ITPKB: variants seen among roughly 807,000 people sequenced by gnomAD.
ITPKB encodes IP3 3-kinase B.
In ITPKB, 13 loss-of-function variants were observed where a neutral mutation model predicts 69.4. The observed-to-expected ratio is 0.19, with a 90% confidence interval of 0.12 to 0.30. The LOEUF is 0.30. Ranked by LOEUF, ITPKB falls within the 10% of genes least tolerant of loss-of-function variation. ITPKB has a pLI of 1.00. For missense variants in ITPKB, 1,240 were observed against 1,250.5 expected (o/e 0.99, Z 0.13); for synonymous variants, 584 against 513.7 (o/e 1.14, Z -1.85).
chr1:226,725,831 C>G (rs1657395523), intron 2 of ITPKB, among the ~76,000 whole-genome samples: 1 of 152,194 alleles, frequency 6.6e-6, no homozygotes, highest in African/African-American at 2.4e-5. Context: ...GAAACCGGGG[C>G]GTTATCCAGA....
chr1:226,733,512 A>G (rs181230802), intron 2 of ITPKB, among the ~76,000 whole-genome samples: 2 of 152,240 alleles, frequency 1.3e-5, no homozygotes, highest in Non-Finnish European at 1.5e-5. Context: ...GCACTCAACC[A>G]AAGCTCAAAA....
chr1:226,694,910 T>C (rs1035073233), intron 2 of ITPKB, among the ~76,000 whole-genome samples: 1 of 152,204 alleles, frequency 6.6e-6, no homozygotes, highest in African/African-American at 2.4e-5. Flanking sequence ...TGAATTTAGG[T>C]CTCCTCATTC....
chr1:226,714,985 C>T (rs949681838), intron 2 of ITPKB, among the ~76,000 whole-genome samples: 2 of 152,226 alleles, frequency 1.3e-5, no homozygotes, highest in African/African-American at 4.8e-5. Flanking sequence ...GTACACAGAG[C>T]AGCCCCACAC....
intron 2 of ITPKB, among the ~76,000 whole-genome samples, chr1:226,710,397 A>C (rs956842909): frequency 6.6e-6 from 1 of 152,250 alleles, no homozygotes; most frequent in African/African-American, 2.4e-5. Context: ...TTCAAAAAGC[A>C]GGAAAAAAGT....
chr1:226,652,775 A>G (rs1375969765), intron 2 of ITPKB, among the ~76,000 whole-genome samples: 1 of 152,194 alleles, frequency 6.6e-6, no homozygotes, highest in African/African-American at 2.4e-5. Flanking sequence ...GAGTGCTCCC[A>G]AAGCTCCCTA....
rs746326555 is a variant in ITPKB at position 226,634,548 on chromosome 1, G to C, written c.*123C>G. The C allele has an allele frequency of 1.6e-6, 1 of 611,276 alleles. No homozygotes were observed. The highest frequency in any genetic ancestry group is 1.9e-5 in the South Asian group (1 of 51,570). The allele number at this position is 611,276 out of a possible 1,614,324, so 37.9% of individuals were successfully genotyped here. A position where few individuals can be genotyped will look rare whatever the true frequency, so the allele number is the denominator to read the frequency against. On this transcript the variant is annotated 3_prime_UTR_variant, in exon 8 of 8. Transcript: ENST00000429204. The surrounding 1 kb of genome is among the most constrained non-coding windows in gnomAD (Gnocchi z 6.3). ...AAACTCTCATCTCCTCTTCTACAAAGTGTCTTGTAGTGCAGTTCAGGAGGG... is the reference window on the plus strand; with the variant it reads ...AAACTCTCATCTCCTCTTCTACAAACTGTCTTGTAGTGCAGTTCAGGAGGG...
intron 2 of ITPKB, among the ~76,000 whole-genome samples, chr1:226,664,856 TG>T (rs1669467544): frequency 6.6e-6 from 1 of 152,222 alleles, no homozygotes; most frequent in African/African-American, 2.4e-5. Flanking sequence ...ATTTACACAG[TG>T]TGTGGCCAGC....
At position 226,663,580 on chromosome 1, in the gene ITPKB, G is replaced by A. The variant is rs192098344; in HGVS notation, c.1933-14809C>T. Among the ~76,000 whole-genome samples the A allele has an allele frequency of 1.7e-3, 256 of 152,082 alleles. 2 individuals are homozygous for A. Among genetic ancestry groups the A allele is most frequent in the African/African-American group, 6.0e-3 (249 of 41,456 alleles). ...GGAGTGGAGTCAGTGGCGCAATCAC[G>A]GCTCACCTACAGCCTTAACTTTCTG... On this transcript the variant is annotated intron_variant, in intron 2 of 7. Coordinates refer to ENST00000429204, the MANE Select transcript of ITPKB (RefSeq NM_002221.4).
chr1:226,639,843 C>T (rs993277973), intron 5 of ITPKB, among the ~76,000 whole-genome samples, 185 bp from the exon 6 acceptor site: 1 of 152,236 alleles, frequency 6.6e-6, no homozygotes, highest in African/African-American at 2.4e-5. Flanking sequence ...GGAGCCTGCC[C>T]TGTGCCCAGA....
At chr1:226,651,647 G>A (rs781010135) in intron 2 of ITPKB, among the ~76,000 whole-genome samples, 11 of 152,220 alleles carry the variant, frequency 7.2e-5, no homozygotes, top group Non-Finnish European at 1.5e-4. Context: ...ACAGTGAGCA[G>A]GGAGCCTGTG....
intron 2 of ITPKB, among the ~76,000 whole-genome samples, chr1:226,691,767 T>C (rs1656358250): frequency 6.6e-6 from 1 of 152,300 alleles, no homozygotes; most frequent in South Asian, 2.1e-4. Context: ...TGTGCTCTGC[T>C]CCCAAATGTT....
rs766298121 is a variant in ITPKB, at chr1:226,736,005, G to A, written c.1454C>T (p.Ala485Val). 5.5e-5 allele frequency: 88 copies of A among 1,613,724 alleles called. No individual in the cohort carries two copies. The highest frequency in any genetic ancestry group is 1.6e-4 in the Middle Eastern group (1 of 6,084). Residue 485 changes from alanine to valine, a missense_variant, in exon 2 of 8, where the codon GCG (alanine) becomes GTG (valine). Physicochemically the swap from Ala to Val is moderately conservative, Grantham distance 64 (BLOSUM62 0). Coordinates refer to ENST00000429204, the MANE Select transcript of ITPKB (RefSeq NM_002221.4). ...MLEPLPCWDAAKDLKEPQCPP... is the reference protein window; with the variant it reads ...MLEPLPCWDAVKDLKEPQCPP... ...GCACTGAGGTTCTTTCAGATCTTTC[G>A]CAGCGTCCCAACAGGGCAAAGGCTC...
At position 226,738,735 on chromosome 1, in the gene ITPKB, C is replaced by T. The variant is rs1558104505; in HGVS notation, c.-206+306G>A. Among the ~76,000 whole-genome samples, 1 of 152,190 alleles carries T rather than the reference C, an allele frequency of 6.6e-6. No individual in the cohort carries two copies. Among genetic ancestry groups the T allele is most frequent in the Non-Finnish European group, 1.5e-5 (1 of 68,010 alleles). On this transcript the variant is annotated intron_variant, in intron 1 of 7. Coordinates refer to ENST00000429204, the MANE Select transcript of ITPKB (RefSeq NM_002221.4). The surrounding 1 kb of genome is among the most constrained non-coding windows in gnomAD (Gnocchi z 4.2). ...GGCTTCTCCGCATCCCGGGCAGCCTCGCCCGGCGCCAGCAGAGCCGCCCCG... is the reference window on the plus strand; with the variant it reads ...GGCTTCTCCGCATCCCGGGCAGCCTTGCCCGGCGCCAGCAGAGCCGCCCCG...
chr1:226,657,977 G>A (rs893533276), intron 2 of ITPKB, among the ~76,000 whole-genome samples: 3 of 152,186 alleles, frequency 2.0e-5, no homozygotes, highest in African/African-American at 2.4e-5. Context: ...TTCCCAGAAC[G>A]TCCTTACTGA....
At chr1:226,669,459 C>T (rs888240594) in intron 2 of ITPKB, among the ~76,000 whole-genome samples, 10 of 151,994 alleles carry the variant, frequency 6.6e-5, no homozygotes, top group African/African-American at 2.4e-4. Flanking sequence ...GATTCAGCTT[C>T]CCAACAAGAA....
chr1:226,713,281 C>A (rs1166295260), intron 2 of ITPKB, among the ~76,000 whole-genome samples: 6 of 152,146 alleles, frequency 3.9e-5, no homozygotes, highest in African/African-American at 1.2e-4. Context: ...CCCCTTCCTC[C>A]CACTCCCACA....
At chr1:226,697,889 A>ACC (rs951973244) in intron 2 of ITPKB, among the ~76,000 whole-genome samples, 2 of 152,154 alleles carry the variant, frequency 1.3e-5, no homozygotes, top group African/African-American at 4.8e-5. Context: ...GAGGAGCCAA[A>ACC]CCCCCTGGGG....
intron 2 of ITPKB, among the ~76,000 whole-genome samples, chr1:226,665,807 T>C (rs1350760522): frequency 1.4e-4 from 21 of 152,156 alleles, no homozygotes. Flanking sequence ...GAACCCGGGA[T>C]GGTTGGCGTT....
intron 2 of ITPKB, among the ~76,000 whole-genome samples, chr1:226,735,286 T>A (rs1657709914): frequency 6.6e-6 from 1 of 152,226 alleles, no homozygotes; most frequent in Admixed American, 6.5e-5. Flanking sequence ...ACTTGTTTTT[T>A]AAGATATGCA....
Sources: gnomAD v4.1 joint callset for allele counts (sites outside exome capture counted in the v4.1 genomes callset) on GRCh38, gnomAD v4.1.1 for gene constraint, Gnocchi (gnomAD v3.1) non-coding constraint, MANE v1.5 for transcripts, NCBI Gene and HGNC (gene_info 2026-07-23, HGNC 2026-07-21) for gene names.